LOC400499: variants seen among roughly 807,000 people sequenced by gnomAD.
the LOC400499 span, chr16:11,459,787 C>T: frequency 8.9e-7 from 1 of 1,127,394 alleles, no homozygotes. Flanking sequence ...TAAGTTTCAG[C>T]TGCTTGCATC....
At chr16:11,383,534 A>G in the LOC400499 span, 3 of 1,153,866 alleles carry the variant, frequency 2.6e-6, no homozygotes, top group Non-Finnish European at 3.3e-6. Flanking sequence ...TAGCTCCTTG[A>G]ATGACAATTA....
chr16:11,393,280 C>T, the LOC400499 span: 1 of 874,194 alleles, frequency 1.1e-6, no homozygotes. Flanking sequence ...AGGTATGAGC[C>T]CCTGCACCCA....
the LOC400499 span, among the ~76,000 whole-genome samples, chr16:11,480,018 A>G: frequency 9.2e-5 from 14 of 152,296 alleles, no homozygotes; most frequent in East Asian, 2.3e-3. Context: ...AAAGAGAAAC[A>G]TTGGGCTGCC....
At chr16:11,493,823 G>A in the LOC400499 span, 1 of 322,500 alleles carries the variant, frequency 3.1e-6, no homozygotes, top group Middle Eastern at 7.4e-4. Flanking sequence ...GTAGGACCAT[G>A]AGGGGCAGTG....
At chr16:11,375,732 A>ATTTTTTTTTTT in the LOC400499 span, among the ~76,000 whole-genome samples, 3 of 130,660 alleles carry the variant, frequency 2.3e-5, no homozygotes, top group African/African-American at 5.7e-5. Context: ...TCCTTTGTAC[A>ATTTTTTTTTTT]TTTTTTTTTT....
At chr16:11,513,991 C>G in the LOC400499 span, among the ~76,000 whole-genome samples, 3 of 152,144 alleles carry the variant, frequency 2.0e-5, no homozygotes, top group Admixed American at 6.5e-5. Flanking sequence ...GGCACCAAGT[C>G]CCAGGGAATG....
the LOC400499 span, chr16:11,514,430 C>A: frequency 2.5e-6 from 1 of 399,190 alleles, no homozygotes; most frequent in Non-Finnish European, 4.4e-6. Flanking sequence ...CTGCACAGCG[C>A]TTGCCTTTGC....
chr16:11,525,705 C>T, the LOC400499 span, among the ~76,000 whole-genome samples: 1 of 152,220 alleles, frequency 6.6e-6, no homozygotes, highest in South Asian at 2.1e-4. Context: ...GCCTGGCCCA[C>T]CAGCCTCCAG....
chr16:11,460,863 C>T, the LOC400499 span: 18 of 1,392,890 alleles, frequency 1.3e-5, no homozygotes, highest in Non-Finnish European at 1.6e-5. Context: ...TGGAAAACCC[C>T]GTGGTGACAG....
the LOC400499 span, chr16:11,412,851 G>T: frequency 2.5e-6 from 1 of 399,094 alleles, no homozygotes; most frequent in African/African-American, 2.1e-5. Context: ...CTGACTGCCT[G>T]GTTCTGGCCA....
the LOC400499 span, among the ~76,000 whole-genome samples, chr16:11,422,968 T>G: frequency 1.3e-5 from 2 of 152,206 alleles, no homozygotes; most frequent in Non-Finnish European, 2.9e-5. Flanking sequence ...ACCATCAGGT[T>G]GAGCTGATGC....
At chr16:11,393,840 G>C in the LOC400499 span, among the ~76,000 whole-genome samples, 1 of 152,208 alleles carries the variant, frequency 6.6e-6, no homozygotes, top group Non-Finnish European at 1.5e-5. Flanking sequence ...CACTTCAGGA[G>C]GCCAAGACGG....
chr16:11,482,040 T>C, the LOC400499 span, among the ~76,000 whole-genome samples: 4 of 152,190 alleles, frequency 2.6e-5, no homozygotes, highest in African/African-American at 9.6e-5. Context: ...CAAAAGGAAC[T>C]GGATGTGACT....
At chr16:11,463,359 G>C in the LOC400499 span, among the ~76,000 whole-genome samples, 3 of 147,880 alleles carry the variant, frequency 2.0e-5, no homozygotes, top group Non-Finnish European at 4.5e-5. Flanking sequence ...CTCTGTCCCC[G>C]ATCCCCACAG....
At chr16:11,404,808 G>A in the LOC400499 span, 1 of 398,916 alleles carries the variant, frequency 2.5e-6, no homozygotes, top group Non-Finnish European at 4.4e-6. Context: ...CAGGACACGG[G>A]TCCCATGAGC....
chr16:11,412,705 C>G, the LOC400499 span: 1 of 396,176 alleles, frequency 2.5e-6, no homozygotes, highest in Non-Finnish European at 4.4e-6. Flanking sequence ...CTTGGCCTCT[C>G]TGAGCCTCCC....
the LOC400499 span, chr16:11,399,567 C>G: frequency 2.5e-6 from 1 of 398,792 alleles, no homozygotes; most frequent in East Asian, 3.6e-5. Context: ...GCCCCGCAGG[C>G]CTGGAGGCTG....
the LOC400499 span, chr16:11,478,574 G>A: frequency 5.0e-6 from 2 of 399,070 alleles, no homozygotes; most frequent in Non-Finnish European, 8.8e-6. Context: ...AGGGGCCAGT[G>A]GTTCACGTGA....
chr16:11,382,016 C>T, the LOC400499 span, among the ~76,000 whole-genome samples: 1 of 151,592 alleles, frequency 6.6e-6, no homozygotes, highest in African/African-American at 2.4e-5. Flanking sequence ...AATCTCGGCT[C>T]ACTGCAACCT....
Sources: allele counts gnomAD v4.1 joint callset (sites outside exome capture counted in the v4.1 genomes callset), GRCh38; gene constraint gnomAD v4.1.1; transcripts MANE v1.5.